The following TSPAN5 variants were observed in gnomAD, a reference collection of about 807,000 sequenced individuals.
TSPAN5 encodes tetraspanin 5, also known as tetraspanin-5.
A neutral mutation model predicts 37.1 loss-of-function variants in TSPAN5; 10 were observed. The observed-to-expected ratio is 0.27, with a 90% confidence interval of 0.17 to 0.46. The LOEUF (loss-of-function observed/expected upper bound fraction) is 0.46. Ranked by LOEUF, TSPAN5 falls within the 20% of genes least tolerant of loss-of-function variation. The probability of loss-of-function intolerance (pLI) is 1.00; values close to 1 mark genes in which losing one functional copy is unlikely to be tolerated. For synonymous variants in TSPAN5, 110 were observed against 118.9 expected (o/e 0.93, Z 0.48); for missense variants, 195 against 326.6 (o/e 0.60, Z 3.11).
chr4:98,621,441 T>C (rs1401801592), intron 1 of TSPAN5, among the ~76,000 whole-genome samples: 9 of 149,462 alleles, frequency 6.0e-5, no homozygotes, highest in African/African-American at 7.4e-5. Flanking sequence ...GATCTCTGCT[T>C]ACTGCAAGCT....
At chr4:98,473,196 G>A (rs1190722677) in intron 7 of TSPAN5, among the ~76,000 whole-genome samples, 1 of 152,142 alleles carries the variant, frequency 6.6e-6, no homozygotes, top group Non-Finnish European at 1.5e-5. Flanking sequence ...ACTCCTCTAG[G>A]AGTAGAATTG....
chr4:98,479,468 G>T (rs899704859), intron 4 of TSPAN5, among the ~76,000 whole-genome samples: 1 of 152,146 alleles, frequency 6.6e-6, no homozygotes, highest in South Asian at 2.1e-4. Flanking sequence ...ATGAATGGAC[G>T]TGCAGTCAGG....
chr4:98,510,838 T>C (rs983117883), intron 1 of TSPAN5, among the ~76,000 whole-genome samples: 12 of 152,256 alleles, frequency 7.9e-5, no homozygotes, highest in African/African-American at 2.7e-4. Context: ...ATACCTTCAG[T>C]GCTACATCAC....
chr4:98,531,628 A>G (rs1754092242), intron 1 of TSPAN5, among the ~76,000 whole-genome samples: 1 of 152,206 alleles, frequency 6.6e-6, no homozygotes, highest in African/African-American at 2.4e-5. Flanking sequence ...TAGATCCTTG[A>G]GGAATCGCCA....
chr4:98,501,367 T>C (rs919161722), intron 2 of TSPAN5, among the ~76,000 whole-genome samples: 1 of 152,232 alleles, frequency 6.6e-6, no homozygotes, highest in East Asian at 1.9e-4. Flanking sequence ...AAGAATGCTG[T>C]CATTGCTCAT....
intron 2 of TSPAN5, among the ~76,000 whole-genome samples, chr4:98,491,038 G>T (rs1001106380): frequency 1.3e-5 from 2 of 151,938 alleles, no homozygotes; most frequent in Non-Finnish European, 2.9e-5. Context: ...CTCCAGCCTG[G>T]GTGACAAAGC....
intron 1 of TSPAN5, among the ~76,000 whole-genome samples, chr4:98,519,408 G>A (rs1022222690): frequency 6.6e-6 from 1 of 152,138 alleles, no homozygotes; most frequent in African/African-American, 2.4e-5. Context: ...CTGAGTGGGA[G>A]GATCGCTTGA....
rs557243503 is a variant in TSPAN5, at chr4:98,514,953, G to A, written c.82-7225C>T. Among the ~76,000 whole-genome samples, 16 of 152,242 alleles carry A rather than the reference G, an allele frequency of 1.1e-4. No individual in the cohort carries two copies. In the East Asian group the frequency reaches 2.3e-3, roughly 22 times the overall value. On this transcript the variant is annotated intron_variant, in intron 1 of 7. Transcript: ENST00000305798. ...TGCTGTGGAAAGAGATCAGTGTCACGGGCTTGTCATGTGGCAGAAGACAGA... is the reference window on the plus strand; with the variant it reads ...TGCTGTGGAAAGAGATCAGTGTCACAGGCTTGTCATGTGGCAGAAGACAGA...
At chr4:98,545,995 C>G (rs544643538) in intron 1 of TSPAN5, among the ~76,000 whole-genome samples, 2 of 146,192 alleles carry the variant, frequency 1.4e-5, no homozygotes, top group African/African-American at 5.0e-5. Context: ...CAAATGTTTG[C>G]TATTAATATT....
chr4:98,526,304 A>C (rs1346676536), intron 1 of TSPAN5, among the ~76,000 whole-genome samples: 1 of 152,214 alleles, frequency 6.6e-6, no homozygotes, highest in Non-Finnish European at 1.5e-5. Flanking sequence ...TACACAAGAA[A>C]TCCAAGGCAG....
At chr4:98,539,106 T>C (rs1160179569) in intron 1 of TSPAN5, among the ~76,000 whole-genome samples, 3 of 151,098 alleles carry the variant, frequency 2.0e-5, no homozygotes, top group Non-Finnish European at 4.4e-5. Flanking sequence ...TACCCTGTAT[T>C]TGCATAAACA....
chr4:98,563,712 G>A (rs4554081), intron 1 of TSPAN5, among the ~76,000 whole-genome samples: 12,473 of 152,200 alleles, frequency 0.082, 964 homozygotes, highest in African/African-American at 0.19. Flanking sequence ...CAGCTGTAAT[G>A]GCAAAGAATG....
At chr4:98,520,020 G>C (rs1011454051) in intron 1 of TSPAN5, among the ~76,000 whole-genome samples, 2 of 152,194 alleles carry the variant, frequency 1.3e-5, no homozygotes, top group African/African-American at 4.8e-5. Context: ...CCTGGCATAT[G>C]CCTGGCTCAA....
chr4:98,472,433 G>T lies in TSPAN5; in HGVS notation c.*89C>A. The T allele has an allele frequency of 1.7e-6, 2 of 1,157,458 alleles. No individual in the cohort carries two copies. Among genetic ancestry groups the T allele is most frequent in the African/African-American group, 1.5e-5 (1 of 64,714 alleles). The allele number at this position is 1,157,458 out of a possible 1,614,324, so 71.7% of individuals were successfully genotyped here. On this transcript the variant is annotated 3_prime_UTR_variant, in exon 8 of 8. Coordinates refer to ENST00000305798, the MANE Select transcript of TSPAN5 (RefSeq NM_005723.4). The stretch of plus-strand genomic sequence containing the variant: ...GACTGCAGGCTGCATCTGTGATTAG[G>T]TCCATGCAGCTCGAAGATCAGTTCG...
Position 98,626,903 on chromosome 4 carries a change from T to C in TSPAN5, c.81+31243A>G, listed in dbSNP as rs867654846. On this transcript the variant is annotated intron_variant, in intron 1 of 7. Transcript: ENST00000305798. ...GAGAGCAGGTTTTTTTTTTTTTTTT[T>C]TTTTTGGTCTGCTTTGTTCTTAAAT... Among the ~76,000 whole-genome samples the C allele has an allele frequency of 1.6e-3, 246 of 150,826 alleles. 3 individuals are homozygous for C. The Middle Eastern group carries it at 0.028, about 17-fold the overall frequency.
intron 1 of TSPAN5, among the ~76,000 whole-genome samples, chr4:98,639,726 T>C (rs937185361): frequency 6.6e-6 from 1 of 152,204 alleles, no homozygotes; most frequent in Admixed American, 6.5e-5. Context: ...GCTTCTTTCC[T>C]TCCTTTCTGT....
At chr4:98,638,608 T>C (rs185472702) in intron 1 of TSPAN5, among the ~76,000 whole-genome samples, 26 of 152,108 alleles carry the variant, frequency 1.7e-4, no homozygotes, top group African/African-American at 6.3e-4. Context: ...CAGGTAAAGG[T>C]ATGGGGCAAG....
chr4:98,592,580 T>A (rs1305022310), intron 1 of TSPAN5, among the ~76,000 whole-genome samples: 2 of 94,634 alleles, frequency 2.1e-5, no homozygotes, highest in African/African-American at 4.3e-5. Flanking sequence ...ATGCTATCCC[T>A]CCCCCCTCCC....
At chr4:98,527,894 G>C (rs556215379) in intron 1 of TSPAN5, among the ~76,000 whole-genome samples, 9 of 152,284 alleles carry the variant, frequency 5.9e-5, no homozygotes, top group East Asian at 1.9e-4. Flanking sequence ...CTAATTTAAA[G>C]AGGAAAAAAG....
Sources: allele counts gnomAD v4.1 joint callset (sites outside exome capture counted in the v4.1 genomes callset), GRCh38; gene constraint gnomAD v4.1.1; transcripts MANE v1.5; gene names NCBI Gene and HGNC (gene_info 2026-07-23, HGNC 2026-07-21).